The following CFAP184 variants were observed in gnomAD, a reference collection of about 807,000 sequenced individuals.
CFAP184 encodes cilia and flagella associated protein 184, also known as cilia- and flagella-associated protein 184.
the CFAP184 span, chr4:7,042,789 C>T: frequency 6.4e-7 from 1 of 1,551,936 alleles, no homozygotes; most frequent in Non-Finnish European, 8.7e-7. Context: ...GCTCCTCCTC[C>T]TCCTCCTCCG....
At chr4:7,041,278 G>A in the CFAP184 span, 3 of 1,591,094 alleles carry the variant, frequency 1.9e-6, no homozygotes, top group East Asian at 2.2e-5. Context: ...TGGTCAAGAA[G>A]GGAGAAAGGC....
chr4:7,042,223 C>A, the CFAP184 span: 2 of 1,597,988 alleles, frequency 1.3e-6, no homozygotes, highest in Non-Finnish European at 8.5e-7. Context: ...GGAGCGGTTC[C>A]GCTCCACCAG....
chr4:7,042,751 G>T, the CFAP184 span: 2 of 1,527,506 alleles, frequency 1.3e-6, no homozygotes, highest in African/African-American at 2.8e-5. Flanking sequence ...CTGCTCGTCC[G>T]CGGCGGTGCC....
At chr4:7,042,432 T>C in the CFAP184 span, 2 of 1,611,822 alleles carry the variant, frequency 1.2e-6, no homozygotes, top group Admixed American at 3.3e-5. Context: ...CCTTGTCCTC[T>C]TCCTCCCCCT....
chr4:7,041,795 G>A, the CFAP184 span: 3 of 1,611,862 alleles, frequency 1.9e-6, no homozygotes, highest in Non-Finnish European at 1.7e-6. Flanking sequence ...CTCTGCTTCA[G>A]CTGAATGTTC....
At chr4:7,042,847 C>G in the CFAP184 span, 1 of 1,578,492 alleles carries the variant, frequency 6.3e-7, no homozygotes, top group Non-Finnish European at 8.6e-7. Flanking sequence ...AGGGCCAGAG[C>G]TGGCCTTGAT....
At chr4:7,042,947 G>A in the CFAP184 span, 94 of 1,419,032 alleles carry the variant, frequency 6.6e-5, no homozygotes, top group Admixed American at 1.3e-4. Flanking sequence ...ATCTCCTCCC[G>A]GCTCGGCCAG....
chr4:7,042,836 G>T, the CFAP184 span: 1 of 1,575,722 alleles, frequency 6.3e-7, no homozygotes. Flanking sequence ...GGAGAGGTCG[G>T]AGGGCCAGAG....
chr4:7,042,504 C>T, the CFAP184 span: 1 of 1,608,944 alleles, frequency 6.2e-7, no homozygotes, highest in Non-Finnish European at 8.5e-7. Context: ...TCCTGGTCAG[C>T]GGCAGAGAGG....
chr4:7,042,846 G>A, the CFAP184 span: 1 of 1,578,094 alleles, frequency 6.3e-7, no homozygotes, highest in Non-Finnish European at 8.6e-7. Flanking sequence ...GAGGGCCAGA[G>A]CTGGCCTTGA....
chr4:7,041,614 A>G, the CFAP184 span: 1 of 1,614,122 alleles, frequency 6.2e-7, no homozygotes, highest in Non-Finnish European at 8.5e-7. Flanking sequence ...GTGGGTTATT[A>G]CTTGCACACT....
At chr4:7,041,541 T>A in the CFAP184 span, 2 of 1,614,276 alleles carry the variant, frequency 1.2e-6, no homozygotes, top group Non-Finnish European at 1.7e-6. Context: ...GGGCCTCGAT[T>A]TCTGCCAGCT....
the CFAP184 span, chr4:7,041,047 C>T: frequency 8.0e-6 from 4 of 497,630 alleles, no homozygotes; most frequent in Non-Finnish European, 1.3e-5. Context: ...ATTAAATCAC[C>T]CTTTGTTTGC....
At chr4:7,042,994 G>C in the CFAP184 span, 1 of 1,376,132 alleles carries the variant, frequency 7.3e-7, no homozygotes, top group South Asian at 1.9e-5. Flanking sequence ...TAGGTTTCCC[G>C]GGGCAACAGA....
chr4:7,041,546 C>T, the CFAP184 span: 4 of 1,614,270 alleles, frequency 2.5e-6, no homozygotes, highest in Middle Eastern at 1.6e-4. Context: ...TCGATTTCTG[C>T]CAGCTGTGTC....
chr4:7,042,328 C>G, the CFAP184 span: 1 of 1,603,966 alleles, frequency 6.2e-7, no homozygotes, highest in Non-Finnish European at 8.5e-7. Flanking sequence ...AAACTCGTCC[C>G]TTCCATAGAG....
the CFAP184 span, chr4:7,041,069 T>C: frequency 4.8e-6 from 3 of 626,576 alleles, no homozygotes; most frequent in Non-Finnish European, 4.9e-6. Context: ...TTTCTGGACC[T>C]ATTTTTGCTC....
the CFAP184 span, chr4:7,042,376 T>TC: frequency 1.9e-6 from 3 of 1,611,542 alleles, no homozygotes; most frequent in Non-Finnish European, 2.5e-6. Flanking sequence ...CGGGCGTCCT[T>TC]CCCCATCCCT....
the CFAP184 span, chr4:7,042,609 C>G: frequency 6.6e-7 from 1 of 1,515,916 alleles, no homozygotes. Context: ...CGGGCTCCGG[C>G]TGGGCGGGCT....
Sources: gnomAD v4.1 joint callset for allele counts on GRCh38, gnomAD v4.1.1 for gene constraint, MANE v1.5 for transcripts, NCBI Gene and HGNC (gene_info 2026-07-23, HGNC 2026-07-21) for gene names.